Variants in UGT1A7 observed in about 807,000 individuals in gnomAD.
UGT1A7 encodes UDP glucuronosyltransferase family 1 member A7, also known as UDP-glucuronosyltransferase 1A7.
In UGT1A7, 33 loss-of-function variants were observed where a neutral mutation model predicts 45.6. That is an observed-to-expected ratio of 0.72 (90% CI 0.55 to 0.97). The LOEUF (loss-of-function observed/expected upper bound fraction) is 0.97, where lower values mean the gene tolerates loss of function less well. Among genes scored for constraint, UGT1A7 ranks in the 50% least tolerant of loss-of-function variants. UGT1A7 has a pLI of 0.00. For missense variants in UGT1A7, 684 were observed against 666.2 expected (o/e 1.03, Z -0.29); for synonymous variants, 274 against 250.6 (o/e 1.09, Z -0.88).
chr2:233,762,127 G>T (rs528651361), intron 1 of UGT1A7, among the ~76,000 whole-genome samples: 5 of 152,204 alleles, frequency 3.3e-5, no homozygotes, highest in African/African-American at 1.2e-4. Flanking sequence ...TGAGCCATGT[G>T]GGGACCTGTG....
chr2:233,704,825 T>C (rs900161304), intron 1 of UGT1A7, among the ~76,000 whole-genome samples: 13 of 152,104 alleles, frequency 8.5e-5, no homozygotes, highest in Admixed American at 6.5e-4. Flanking sequence ...TTTTTAGGAT[T>C]GCTTTTAAAA....
chr2:233,701,914 C>A lies in UGT1A7; in HGVS notation c.855+19122C>A, dbSNP rs1358780227. 1.3e-5 allele frequency among the ~76,000 whole-genome samples: 2 copies of A among 151,990 alleles called. 1 individual carries two copies. Among genetic ancestry groups the A allele is most frequent in the Admixed American group, 1.3e-4 (2 of 15,252 alleles). ...GCAGAAAAGATCTAAAATTGACACC[C>A]TAACATCACAATTAAAAGAACTAGA... On this transcript the variant is annotated intron_variant, in intron 1 of 4. Transcript: ENST00000373426.
intron 1 of UGT1A7, among the ~76,000 whole-genome samples, chr2:233,695,130 C>CTTTTCTTTCTTTTT (rs2075264545): frequency 7.2e-6 from 1 of 138,840 alleles, no homozygotes; most frequent in African/African-American, 2.7e-5. Flanking sequence ...CTTTTCTTTT[C>CTTTTCTTTCTTTTT]TTTTTTTTTT....
At chr2:233,730,797 T>G (rs45510999) in intron 1 of UGT1A7, among the ~76,000 whole-genome samples, 5,123 of 152,228 alleles carry the variant, frequency 0.034, 100 homozygotes, top group African/African-American at 0.051. Flanking sequence ...CAGTGATGAA[T>G]GGACATGCGT....
chr2:233,734,406 C>G (rs543210294), intron 1 of UGT1A7, among the ~76,000 whole-genome samples: 13 of 151,932 alleles, frequency 8.6e-5, no homozygotes, highest in African/African-American at 2.7e-4. Flanking sequence ...CTATTTGATT[C>G]TTCTCTCTTT....
chr2:233,693,262 G>A (rs1356082894), intron 1 of UGT1A7: 1 of 1,614,118 alleles, frequency 6.2e-7, no homozygotes, highest in South Asian at 1.1e-5. Context: ...ACCAAGAAGA[G>A]CTGAAGAACC....
At chr2:233,757,839 A>T (rs1696732636) in intron 1 of UGT1A7, among the ~76,000 whole-genome samples, 1 of 151,872 alleles carries the variant, frequency 6.6e-6, no homozygotes, top group Non-Finnish European at 1.5e-5. Flanking sequence ...GTGGCCTACT[A>T]ACTTATGTCT....
chr2:233,721,874 C>T, intron 1 of UGT1A7: 1 of 497,188 alleles, frequency 2.0e-6, no homozygotes. Flanking sequence ...GGCACACTTG[C>T]CAGCCCCTCC....
At chr2:233,687,029 G>A (rs992387137) in intron 1 of UGT1A7, among the ~76,000 whole-genome samples, 2 of 152,202 alleles carry the variant, frequency 1.3e-5, no homozygotes, top group Non-Finnish European at 2.9e-5. Flanking sequence ...GTGGTTCAAT[G>A]TAGTGTTTGA....
intron 1 of UGT1A7, among the ~76,000 whole-genome samples, chr2:233,724,292 C>A (rs1379070155): frequency 7.8e-6 from 1 of 129,018 alleles, no homozygotes; most frequent in East Asian, 2.7e-4. Context: ...GGGGGGCTGA[C>A]CCCCCCACCT....
intron 1 of UGT1A7, chr2:233,721,958 T>G (rs1019099547): frequency 6.3e-6 from 2 of 316,544 alleles, no homozygotes; most frequent in Non-Finnish European, 1.3e-5. Flanking sequence ...TCTTTGTATA[T>G]GCATACATTG....
At chr2:233,729,089 G>A (rs373016756) in intron 1 of UGT1A7, 93 of 1,612,442 alleles carry the variant, frequency 5.8e-5, no homozygotes, top group Middle Eastern at 2.1e-4. Flanking sequence ...CAGGCACAGC[G>A]TGGGGTGGAC....
chr2:233,704,265 T>C (rs2075777085), intron 1 of UGT1A7, among the ~76,000 whole-genome samples: 1 of 151,460 alleles, frequency 6.6e-6, no homozygotes, highest in African/African-American at 2.4e-5. Flanking sequence ...GCTTTTTTTT[T>C]TTTTTTGCAT....
At chr2:233,735,705 G>A (rs1237070783) in intron 1 of UGT1A7, among the ~76,000 whole-genome samples, 2 of 151,900 alleles carry the variant, frequency 1.3e-5, no homozygotes, top group African/African-American at 2.4e-5. Flanking sequence ...GGCAGGCCTG[G>A]TGGTGACAAA....
At position 233,682,196 on chromosome 2, in the gene UGT1A7, G is replaced by T. The variant is rs1239084730; in HGVS notation, c.259G>T (p.Asp87Tyr). ...YSTSYTLEDQ[D>Y]REFMVFADAR... ...AACCTCATACACTCTGGAGGATCAG[G>T]ACCGGGAGTTCATGGTTTTTGCCGA... Residue 87 changes from aspartate (D) to tyrosine (Y), a missense_variant, in exon 1 of 5, where the codon GAC becomes TAC. By Grantham distance (160) the Asp-to-Tyr change is radical. Transcript: ENST00000373426. 6.2e-7 allele frequency: 1 copy of T among 1,614,072 alleles called. No homozygotes were observed. The highest frequency in any genetic ancestry group is 1.3e-5 in the African/African-American group (1 of 74,932).
intron 1 of UGT1A7, among the ~76,000 whole-genome samples, chr2:233,757,621 A>T (rs1696682030): frequency 6.7e-6 from 1 of 149,382 alleles, no homozygotes; most frequent in Non-Finnish European, 1.5e-5. Flanking sequence ...GCTAAAAGAT[A>T]CAAGGCAGAA....
chr2:233,719,292 G>C (rs146073833), intron 1 of UGT1A7: 1 of 1,613,496 alleles, frequency 6.2e-7, no homozygotes, highest in South Asian at 1.1e-5. Flanking sequence ...TAACCTCTGT[G>C]GGGCGGTGCT....
At chr2:233,737,526 G>C (rs574961545) in intron 1 of UGT1A7, among the ~76,000 whole-genome samples, 8 of 152,286 alleles carry the variant, frequency 5.3e-5, no homozygotes, top group African/African-American at 1.9e-4. Context: ...GTGAGGCGAC[G>C]CCCTGCCCTG....
rs189112981 is a variant in UGT1A7, at chr2:233,747,187, A to C, written c.856-19847A>C. 2.8e-4 allele frequency: 449 copies of C among 1,603,370 alleles called. 14 individuals carry two copies. The African/African-American group carries it at 5.5e-3, about 19-fold the overall frequency. On this transcript the variant is annotated intron_variant, in intron 1 of 4. Coordinates refer to ENST00000373426, the MANE Select transcript of UGT1A7 (RefSeq NM_019077.3). ...GTAGGAGGCACAGCGTGGGGTGGACAGTCAGCTGTCCGTGTCTTCTGCTGA... is the reference window on the plus strand; with the variant it reads ...GTAGGAGGCACAGCGTGGGGTGGACCGTCAGCTGTCCGTGTCTTCTGCTGA...
Sources: allele counts gnomAD v4.1 joint callset (sites outside exome capture counted in the v4.1 genomes callset), GRCh38; gene constraint gnomAD v4.1.1; transcripts MANE v1.5; gene names NCBI Gene and HGNC (gene_info 2026-07-23, HGNC 2026-07-21).